The following SEC11A variants were observed in gnomAD, a reference collection of about 807,000 sequenced individuals.
The protein encoded by SEC11A is SEC11 homolog A, signal peptidase complex subunit.
A neutral mutation model predicts 25.6 loss-of-function variants in SEC11A; 14 were observed. The observed-to-expected ratio is 0.55, with a 90% CI of 0.36 to 0.85. The LOEUF (loss-of-function observed/expected upper bound fraction) is 0.85. Ranked by LOEUF, SEC11A falls within the 40% of genes least tolerant of loss-of-function variation. SEC11A has a pLI of 0.01. For synonymous variants in SEC11A, 83 were observed against 76.4 expected (o/e 1.09, Z -0.45); for missense variants, 153 against 222.9 (o/e 0.69, Z 2.00).
intron 1 of SEC11A, among the ~76,000 whole-genome samples, chr15:84,704,115 C>G (rs995527240): frequency 1.3e-5 from 2 of 152,204 alleles, no homozygotes; most frequent in African/African-American, 4.8e-5. Flanking sequence ...GCTGATCATA[C>G]TGGATCATTT....
At chr15:84,695,156 G>A (rs897341882) in intron 1 of SEC11A, among the ~76,000 whole-genome samples, 8 of 144,138 alleles carry the variant, frequency 5.6e-5, no homozygotes, top group South Asian at 2.2e-4. Flanking sequence ...ATAGAGATGC[G>A]GATGATTAAA....
intron 1 of SEC11A, among the ~76,000 whole-genome samples, chr15:84,700,633 AAAAAAAAG>A: frequency 7.6e-6 from 1 of 131,770 alleles, no homozygotes; most frequent in Non-Finnish European, 1.6e-5. Flanking sequence ...AAAAAAAAAA[AAAAAAAAG>A]GTAGGGGAAA....
Position 84,670,039 on chromosome 15 carries a change from C to A in SEC11A, c.520G>T (p.Val174Leu), listed in dbSNP as rs780135173. The A allele has an allele frequency of 6.2e-7, 1 of 1,613,436 alleles. No homozygotes were observed. The highest frequency in any genetic ancestry group is 8.5e-7 in the Non-Finnish European group (1 of 1,179,688). The part of the protein sequence containing the change: ...YAVLFLLGLF[V>L]LVHRE ...GCTTCTTACTCACGATGAACCAGCACGAATAAACCCAGCAAAAAGAGAACT... is the reference window on the plus strand; with the variant it reads ...GCTTCTTACTCACGATGAACCAGCAAGAATAAACCCAGCAAAAAGAGAACT... The change falls in exon 6 of 6, where the codon GTG (valine) becomes TTG (leucine). Residue 174 changes from valine to leucine, a missense_variant. Val to Leu is a conservative substitution (Grantham distance 32). Coordinates refer to ENST00000268220, the MANE Select transcript of SEC11A (RefSeq NM_014300.4).
chr15:84,710,973 G>C (rs901770336), intron 1 of SEC11A, among the ~76,000 whole-genome samples: 9 of 151,944 alleles, frequency 5.9e-5, no homozygotes, highest in African/African-American at 2.2e-4. Flanking sequence ...GGGAAGCTGA[G>C]GCAGGAGAAT....
At chr15:84,679,218 A>G in intron 4 of SEC11A, 1 of 1,161,204 alleles carries the variant, frequency 8.6e-7, no homozygotes, top group Non-Finnish European at 1.1e-6. Flanking sequence ...GAGAGTTTAA[A>G]TAATCACATT....
Position 84,701,735 on chromosome 15 carries a change from G to GA in SEC11A, c.52-10092dup, listed in dbSNP as rs1003526039. On this transcript the variant is annotated intron_variant, in intron 1 of 5. Coordinates refer to ENST00000268220, the MANE Select transcript of SEC11A (RefSeq NM_014300.4). The stretch of plus-strand genomic sequence containing the variant: ...TTACATTAATCAAAAGAAAATTGAA[G>GA]AAAAAAAAAGCAAGCTGGAGTGGTT... Among the ~76,000 whole-genome samples the GA allele has an allele frequency of 6.3e-4, 95 of 150,868 alleles. 1 individual carries two copies. The highest frequency in any genetic ancestry group is 6.8e-3 in the Middle Eastern group (2 of 292).
At chr15:84,676,466 T>A (rs1463459939) in intron 4 of SEC11A, among the ~76,000 whole-genome samples, 148 of 129,808 alleles carry the variant, frequency 1.1e-3, no homozygotes, top group African/African-American at 4.2e-3. Flanking sequence ...AAAAAAAAAT[T>A]TTTTTTTTTT....
At chr15:84,680,656 G>A in intron 4 of SEC11A, 57 bp downstream of exon 4, 2 of 1,481,102 alleles carry the variant, frequency 1.4e-6, no homozygotes, top group East Asian at 2.3e-5. Flanking sequence ...TAATATGATT[G>A]AGAGGGCCAC....
chr15:84,673,765 T>G (rs1377148302), intron 4 of SEC11A: 4 of 152,112 alleles, frequency 2.6e-5, no homozygotes, highest in African/African-American at 9.7e-5. Flanking sequence ...AAAAATTAGC[T>G]GGGCATGGTG....
rs113852255 is a variant in SEC11A, at chr15:84,677,963, T to G, written c.431+2750A>C. Among the ~76,000 whole-genome samples the G allele has an allele frequency of 4.0e-3, 603 of 152,188 alleles. 2 individuals are homozygous for G. The highest frequency in any genetic ancestry group is 0.014 in the African/African-American group (573 of 41,534). ...GTGGTCCCAGCACTTTAGGAGACCA[T>G]GGTAGGCAGGTCACTTGAAGCCAGG... is the stretch of plus-strand genomic sequence containing the variant. On this transcript the variant is annotated intron_variant, in intron 4 of 5. Transcript: ENST00000268220.
intron 3 of SEC11A, among the ~76,000 whole-genome samples, chr15:84,686,348 T>C (rs1003093654): frequency 2.0e-5 from 3 of 152,198 alleles, no homozygotes; most frequent in African/African-American, 4.8e-5. Flanking sequence ...CAATGGCTCA[T>C]GCCTGTAATC....
chr15:84,698,001 ATTCTTTTTT>A (rs1285329006), intron 1 of SEC11A, among the ~76,000 whole-genome samples: 3 of 152,186 alleles, frequency 2.0e-5, no homozygotes, highest in Non-Finnish European at 4.4e-5. Context: ...TGTGTTTACT[ATTCTTTTTT>A]TTCTTTTTAG....
Position 84,682,442 on chromosome 15 carries a change from TTTTTG to T in SEC11A, c.312-1615_312-1611del, listed in dbSNP as rs57427423. On this transcript the variant is annotated intron_variant, in intron 3 of 5. Coordinates refer to ENST00000268220, the MANE Select transcript of SEC11A (RefSeq NM_014300.4). ...GGGTTTACAGGAACAGTATTTTGTT[TTTTTG>T]TTTTGTTTTGTTTTGTTTTGAGACA... Among the ~76,000 whole-genome samples, 1,414 of 152,168 alleles carry T rather than the reference TTTTTG, an allele frequency of 9.3e-3. 23 individuals are homozygous for T. The highest frequency in any genetic ancestry group is 0.033 in the African/African-American group (1,363 of 41,486).
intron 4 of SEC11A, among the ~76,000 whole-genome samples, chr15:84,678,446 TA>T (rs1399653496): frequency 2.0e-5 from 3 of 151,978 alleles, no homozygotes; most frequent in Admixed American, 6.6e-5. Context: ...TTGTTCGCAA[TA>T]AAAAAGCTGG....
At chr15:84,695,190 C>T (rs994337404) in intron 1 of SEC11A, among the ~76,000 whole-genome samples, 6 of 148,726 alleles carry the variant, frequency 4.0e-5, no homozygotes, top group African/African-American at 1.5e-4. Context: ...AGGCTGGGCT[C>T]GGTGGCTCAC....
At chr15:84,700,064 C>A (rs977701824) in intron 1 of SEC11A, among the ~76,000 whole-genome samples, 1 of 151,974 alleles carries the variant, frequency 6.6e-6, no homozygotes, top group Non-Finnish European at 1.5e-5. Context: ...AACAAAGCTT[C>A]ACAAGAGCTT....
At chr15:84,685,702 C>T (rs1046998804) in intron 3 of SEC11A, among the ~76,000 whole-genome samples, 1 of 151,780 alleles carries the variant, frequency 6.6e-6, no homozygotes, top group African/African-American at 2.4e-5. Flanking sequence ...TTGTTCACAA[C>T]AGGCATTGCT....
chr15:84,674,040 T>C (rs1897071911), intron 4 of SEC11A, among the ~76,000 whole-genome samples: 1 of 152,038 alleles, frequency 6.6e-6, no homozygotes, highest in Non-Finnish European at 1.5e-5. Context: ...ATTCAAGAAG[T>C]ACAATTTTAG....
At chr15:84,686,288 G>T (rs995441665) in intron 3 of SEC11A, among the ~76,000 whole-genome samples, 1 of 152,016 alleles carries the variant, frequency 6.6e-6, no homozygotes, top group Admixed American at 6.6e-5. Context: ...ATTTCAAAAA[G>T]CAATGGTTGA....
Sources: allele counts gnomAD v4.1 joint callset (sites outside exome capture counted in the v4.1 genomes callset), GRCh38; gene constraint gnomAD v4.1.1; transcripts MANE v1.5; gene names NCBI Gene and HGNC (gene_info 2026-07-23, HGNC 2026-07-21).